The following SSBP2 variants were observed in gnomAD, a reference collection of about 807,000 sequenced individuals.
SSBP2 encodes single-stranded DNA-binding protein 2.
Under a neutral mutation model 61.8 loss-of-function variants are expected in SSBP2, and 17 were observed. That is an observed-to-expected ratio of 0.28 (90% CI 0.19 to 0.41). SSBP2 has a LOEUF of 0.41. Among genes scored for constraint, SSBP2 ranks in the 10% least tolerant of loss-of-function variants. SSBP2 has a pLI of 1.00. For synonymous variants in SSBP2, 139 were observed against 141.3 expected (o/e 0.98, Z 0.12); for missense variants, 310 against 458.7 (o/e 0.68, Z 2.96).
intron 4 of SSBP2, among the ~76,000 whole-genome samples, chr5:81,562,064 T>C (rs1773083453): frequency 2.0e-5 from 3 of 151,678 alleles, no homozygotes; most frequent in African/African-American, 2.4e-5. Context: ...GCCACCACAC[T>C]TGGCTAATTT....
chr5:81,432,646 T>A (rs1580664642), intron 15 of SSBP2, among the ~76,000 whole-genome samples: 1 of 152,270 alleles, frequency 6.6e-6, no homozygotes, highest in East Asian at 1.9e-4. Flanking sequence ...CTCGGGAGGC[T>A]GAGGCAGGAG....
intron 3 of SSBP2, among the ~76,000 whole-genome samples, chr5:81,625,403 C>T (rs957289789): frequency 6.6e-6 from 1 of 152,010 alleles, no homozygotes; most frequent in Non-Finnish European, 1.5e-5. Flanking sequence ...CTCAGTTCCT[C>T]TAATCCTACA....
chr5:81,566,132 G>T (rs1396449607), intron 4 of SSBP2, among the ~76,000 whole-genome samples: 1 of 152,162 alleles, frequency 6.6e-6, no homozygotes, highest in Non-Finnish European at 1.5e-5. Context: ...AAGACAAGTA[G>T]AAGTAATATA....
intron 8 of SSBP2, among the ~76,000 whole-genome samples, chr5:81,469,105 A>T (rs938258621): frequency 6.6e-6 from 1 of 151,950 alleles, no homozygotes; most frequent in Non-Finnish European, 1.5e-5. Context: ...TTATCAAGGA[A>T]ACCATTAATT....
In SSBP2 at chr5:81,465,936, A is replaced by G. The variant is rs564080431; in HGVS notation, c.638+1038T>C. The stretch of plus-strand genomic sequence containing the variant: ...TAAGCCTAGCTGGTACCCACCTATT[A>G]ACCTATTTTCTATTTCAGGCAAATT... On this transcript the variant is annotated intron_variant, in intron 9 of 16. Coordinates refer to ENST00000320672, the MANE Select transcript of SSBP2 (RefSeq NM_012446.5). Among the ~76,000 whole-genome samples, 377 of 152,070 alleles carry G rather than the reference A, an allele frequency of 2.5e-3. 2 individuals are homozygous for G. Among genetic ancestry groups the G allele is most frequent in the African/African-American group, 8.5e-3 (354 of 41,536 alleles).
At chr5:81,695,525 G>T (rs1379661908) in intron 1 of SSBP2, among the ~76,000 whole-genome samples, 2 of 131,500 alleles carry the variant, frequency 1.5e-5, no homozygotes, top group Admixed American at 8.9e-5. Context: ...ACAGGCCCCG[G>T]TGTGTGATGT....
At chr5:81,533,421 G>C (rs1173329451) in intron 4 of SSBP2, among the ~76,000 whole-genome samples, 1 of 151,898 alleles carries the variant, frequency 6.6e-6, no homozygotes, top group Non-Finnish European at 1.5e-5. Context: ...AACCAGAAAA[G>C]GAAATGTAAG....
intron 10 of SSBP2, among the ~76,000 whole-genome samples, chr5:81,454,463 C>T (rs1049517687): frequency 5.3e-5 from 8 of 152,044 alleles, no homozygotes; most frequent in African/African-American, 1.9e-4. Context: ...GGTGGATCAC[C>T]TGAGGTCAGG....
At chr5:81,460,661 C>A (rs1019567677) in intron 10 of SSBP2, among the ~76,000 whole-genome samples, 6 of 152,118 alleles carry the variant, frequency 3.9e-5, no homozygotes, top group African/African-American at 7.2e-5. Context: ...CAAATAAAAT[C>A]ATAATAATTT....
intron 1 of SSBP2, among the ~76,000 whole-genome samples, chr5:81,654,059 T>C (rs1394711895): frequency 3.3e-5 from 5 of 151,716 alleles, no homozygotes; most frequent in African/African-American, 4.8e-5. Context: ...GGTGTGATCA[T>C]AGCCATCTTC....
chr5:81,664,422 A>G (rs1750945968), intron 1 of SSBP2, among the ~76,000 whole-genome samples: 1 of 151,712 alleles, frequency 6.6e-6, no homozygotes, highest in Non-Finnish European at 1.5e-5. Flanking sequence ...GAGCCACCGC[A>G]CCCTTTTTGG....
At chr5:81,661,329 T>C (rs1380261083) in intron 1 of SSBP2, among the ~76,000 whole-genome samples, 2 of 152,190 alleles carry the variant, frequency 1.3e-5, no homozygotes, top group Non-Finnish European at 2.9e-5. Context: ...AATGCAGATA[T>C]CTCTCTGACA....
chr5:81,599,524 A>G (rs911423906), intron 4 of SSBP2, among the ~76,000 whole-genome samples: 3 of 152,348 alleles, frequency 2.0e-5, no homozygotes, highest in South Asian at 4.1e-4. Flanking sequence ...GATCCTAGAG[A>G]GAAAGAGGGA....
At chr5:81,439,667 GTTTT>G (rs61650905) in intron 14 of SSBP2, among the ~76,000 whole-genome samples, 1 of 100,156 alleles carries the variant, frequency 1.0e-5, no homozygotes, top group Non-Finnish European at 1.9e-5. Flanking sequence ...TGCCCAGCTA[GTTTT>G]TTTTTTTTTT....
intron 1 of SSBP2, among the ~76,000 whole-genome samples, chr5:81,667,888 T>C (rs2153774690): frequency 6.6e-6 from 1 of 152,256 alleles, no homozygotes; most frequent in South Asian, 2.1e-4. Flanking sequence ...AGGTCTAATT[T>C]TGAAGTAGGA....
intron 1 of SSBP2, among the ~76,000 whole-genome samples, chr5:81,667,330 C>T (rs1418937551): frequency 6.7e-6 from 1 of 150,158 alleles, no homozygotes; most frequent in Non-Finnish European, 1.5e-5. Flanking sequence ...CACACACACA[C>T]ACGCTCCAAC....
intron 9 of SSBP2, 104 bp downstream of exon 9, chr5:81,466,870 G>T: frequency 1.6e-6 from 1 of 642,544 alleles, no homozygotes; most frequent in Non-Finnish European, 2.4e-6. Flanking sequence ...TCATTTTAGA[G>T]GCCAGAAAAT....
At chr5:81,441,026 G>C (rs965974929) in intron 13 of SSBP2, among the ~76,000 whole-genome samples, 1 of 152,188 alleles carries the variant, frequency 6.6e-6, no homozygotes, top group African/African-American at 2.4e-5. Context: ...TTATTAATAA[G>C]AATAATTCAA....
chr5:81,455,784 T>C (rs1764104440), intron 10 of SSBP2, among the ~76,000 whole-genome samples: 1 of 152,132 alleles, frequency 6.6e-6, no homozygotes, highest in Non-Finnish European at 1.5e-5. Context: ...TTTGAAGAAC[T>C]TATTATTTGA....
Sources: allele counts gnomAD v4.1 joint callset (sites outside exome capture counted in the v4.1 genomes callset), GRCh38; gene constraint gnomAD v4.1.1; transcripts MANE v1.5; gene names NCBI Gene and HGNC (gene_info 2026-07-23, HGNC 2026-07-21).